HIC1: variants seen among roughly 807,000 people sequenced by gnomAD.
HIC1 encodes hypermethylated in cancer 1 protein.
Under a neutral mutation model 26.4 loss-of-function variants are expected in HIC1, and 9 were observed. That is an observed-to-expected ratio of 0.34 (90% CI 0.21 to 0.59). The LOEUF (loss-of-function observed/expected upper bound fraction) is 0.59. Ranked by LOEUF, HIC1 falls within the 20% of genes least tolerant of loss-of-function variation. The pLI is 0.82. For synonymous variants in HIC1, 631 were observed against 523.1 expected, an observed-to-expected ratio of 1.21 and a Z score of -2.81; for missense variants, 965 against 1,075.7, an observed-to-expected ratio of 0.90 and a Z score of 1.44.
rs2067808110 is a variant in HIC1, at chr17:2,062,391, T to C, written c.*3556T>C. The C allele has an allele frequency of 6.6e-6, 1 of 152,228 alleles. No homozygotes were observed. Among genetic ancestry groups the C allele is most frequent in the South Asian group, 2.1e-4 (1 of 4,832 alleles). The allele number at this position is 152,228 out of a possible 1,614,324, so 9.4% of individuals were successfully genotyped here. The stretch of plus-strand genomic sequence containing the variant: ...ATTTACAAGTACATACACTTGGACA[T>C]ATAACCTTTTTTTCCTACAGCATCA... On this transcript the variant is annotated 3_prime_UTR_variant, in exon 2 of 2. Coordinates refer to ENST00000619757, the MANE Select transcript of HIC1 (RefSeq NM_006497.4).
At chr17:2,056,373 G>A in intron 1 of HIC1, 3 of 1,608,324 alleles carry the variant, frequency 1.9e-6, no homozygotes, top group East Asian at 2.2e-5. Context: ...GGGTCACTGC[G>A]CCTGAACAGT....
Position 2,058,921 on chromosome 17 carries a change from C to T in HIC1, c.*86C>T. The T allele has an allele frequency of 8.3e-7, 1 of 1,204,626 alleles. No individual in the cohort carries two copies. Among genetic ancestry groups the T allele is most frequent in the Non-Finnish European group, 1.1e-6 (1 of 915,712 alleles). The allele number at this position is 1,204,626 out of a possible 1,614,324, so 74.6% of individuals were successfully genotyped here. A position where few individuals can be genotyped will look rare whatever the true frequency, so the allele number is the denominator to read the frequency against. ...CGGCGGGGGCGGCGCGCAGGGCCCA[C>T]TGTGCCCGGGACAACCGCAGCGTCG... On this transcript the variant is annotated 3_prime_UTR_variant, in exon 2 of 2. Coordinates refer to ENST00000619757, the MANE Select transcript of HIC1 (RefSeq NM_006497.4).
chr17:2,062,223 G>A lies in HIC1; in HGVS notation c.*3388G>A, dbSNP rs1369927898. The stretch of plus-strand genomic sequence containing the variant: ...TTGGCCAACCGGTCGCCCCTGCTAA[G>A]TAACAGTAATCCATGTATACAGGCG... On this transcript the variant is annotated 3_prime_UTR_variant, in exon 2 of 2. Coordinates refer to ENST00000619757, the MANE Select transcript of HIC1 (RefSeq NM_006497.4). 1 of 152,598 alleles carries A rather than the reference G, an allele frequency of 6.6e-6. No homozygotes were observed. The highest frequency in any genetic ancestry group is 1.5e-5 in the Non-Finnish European group (1 of 68,368). The allele number at this position is 152,598 out of a possible 1,614,324, so 9.5% of individuals were successfully genotyped here. A position where few individuals can be genotyped will look rare whatever the true frequency, so the allele number is the denominator to read the frequency against.
Position 2,056,727 on chromosome 17 carries a change from C to G in HIC1, c.37C>G (p.Gln13Glu). 6.2e-7 allele frequency: 1 copy of G among 1,609,728 alleles called. No individual in the cohort carries two copies. The highest frequency in any genetic ancestry group is 8.5e-7 in the Non-Finnish European group (1 of 1,178,168). ...GATGGAGGCGCCCGGCCACTCCAGG[C>G]AGCTGCTGCTGCAGCTCAACAACCA... ...DTMEAPGHSR[Q>E]LLLQLNNQRT... Residue 13 changes from glutamine to glutamate, a missense_variant, in exon 2 of 2, where the codon CAG (glutamine) becomes GAG (glutamate). Gln to Glu is a conservative substitution (Grantham distance 29). This residue lies in a region of HIC1 where 64 missense variants were observed against 114.0 expected (regional missense o/e 0.56). Coordinates refer to ENST00000619757, the MANE Select transcript of HIC1 (RefSeq NM_006497.4).
At position 2,061,760 on chromosome 17, in the gene HIC1, C is replaced by T; in HGVS notation, c.*2925C>T. 2.0e-6 allele frequency: 2 copies of T among 1,022,032 alleles called. No individual in the cohort carries two copies. The highest frequency in any genetic ancestry group is 2.2e-5 in the Admixed American group (1 of 45,292). 63.3% of individuals were successfully genotyped at this position (1,022,032 alleles called of 1,614,324 possible). On this transcript the variant is annotated 3_prime_UTR_variant, in exon 2 of 2. Coordinates refer to ENST00000619757, the MANE Select transcript of HIC1 (RefSeq NM_006497.4). ...TCTTGGCTCTTCTACCAGTCCTTTC[C>T]TCCGTCCGGGCTCTCAGCCCCGGGG...
rs1320014379 is a variant in HIC1 at position 2,057,939 on chromosome 17, C to T, written c.1249C>T (p.Leu417=). ...CGAGCCCGAGAGCTTCGGTGACAAC[C>T]TGTACGTGTGCATTCCGTGCGGCAA... ...YGEPESFGDN[L]YVCIPCGKGF... The change falls in exon 2 of 2, where the codon CTG becomes TTG. Residue 417 remains leucine, a synonymous_variant. Coordinates refer to ENST00000619757, the MANE Select transcript of HIC1 (RefSeq NM_006497.4). 9 of 1,610,674 alleles carry T rather than the reference C, an allele frequency of 5.6e-6. No homozygotes were observed. The highest frequency in any genetic ancestry group is 6.8e-6 in the Non-Finnish European group (8 of 1,178,970).
In HIC1 at chr17:2,057,091, G is replaced by C. The variant is rs918572711; in HGVS notation, c.401G>C (p.Gly134Ala). ...TGCAAGAAACGCCTCAAGCGCCACG[G>C]CAAGTACTGCCACCTGCGGGGCGGC... ...ALCKKRLKRH[G>A]KYCHLRGGGG... Residue 134 changes from glycine (G) to alanine (A), a missense_variant, in exon 2 of 2, where the codon GGC (glycine) becomes GCC (alanine). By Grantham distance (60) the Gly-to-Ala change is moderately conservative. Transcript: ENST00000619757. The C allele has an allele frequency of 7.2e-7, 1 of 1,388,712 alleles. No individual in the cohort carries two copies. Among genetic ancestry groups the C allele is most frequent in the Non-Finnish European group, 9.3e-7 (1 of 1,079,186 alleles). 86.0% of individuals were successfully genotyped at this position (1,388,712 alleles called of 1,614,324 possible).
In HIC1 at chr17:2,059,015, C is replaced by G; in HGVS notation, c.*180C>G. On this transcript the variant is annotated 3_prime_UTR_variant, in exon 2 of 2. Transcript: ENST00000619757. Reference sequence around the variant, plus strand: ...CTGCTTCGTGCCTTAGCTCGGGGGTCGGGGGAGAACCCCGGGACGGGGGTG... The same window carrying G: ...CTGCTTCGTGCCTTAGCTCGGGGGTGGGGGGAGAACCCCGGGACGGGGGTG... The G allele has an allele frequency of 7.9e-6, 4 of 504,222 alleles. No homozygotes were observed. The highest frequency in any genetic ancestry group is 5.4e-4 in the Middle Eastern group (1 of 1,844). The allele number at this position is 504,222 out of a possible 1,614,324, so 31.2% of individuals were successfully genotyped here. A position where few individuals can be genotyped will look rare whatever the true frequency, so the allele number is the denominator to read the frequency against.
chr17:2,056,375 CTGAACAGT>C, intron 1 of HIC1: 1 of 1,608,142 alleles, frequency 6.2e-7, no homozygotes, highest in South Asian at 1.1e-5. Context: ...GTCACTGCGC[CTGAACAGT>C]TTTCTTCTCG....
At position 2,058,805 on chromosome 17, in the gene HIC1, C is replaced by T; in HGVS notation, c.2115C>T (p.Gly705=). The T allele has an allele frequency of 6.7e-7, 1 of 1,498,410 alleles. No individual in the cohort carries two copies. Among genetic ancestry groups the T allele is most frequent in the African/African-American group, 1.4e-5 (1 of 69,132 alleles). 92.8% of individuals were successfully genotyped at this position (1,498,410 alleles called of 1,614,324 possible). The change falls in exon 2 of 2, where the codon GGC becomes GGT. Residue 705 remains glycine, a synonymous_variant. Coordinates refer to ENST00000619757, the MANE Select transcript of HIC1 (RefSeq NM_006497.4). ...CTCACCTGGCGGCCGGGCCCGACGG[C>T]CGGACCATCGACCGTTTCTCTCCCA... is the stretch of plus-strand genomic sequence containing the variant. The part of the protein sequence containing the change: ...QGAHLAAGPD[G]RTIDRFSPT
Position 2,055,429 on chromosome 17 carries a change from C to T in HIC1, c.-21+191C>T, listed in dbSNP as rs2151367367. 7.0e-6 allele frequency among the ~76,000 whole-genome samples: 1 copy of T among 142,896 alleles called. No homozygotes were observed. Among genetic ancestry groups the T allele is most frequent in the Admixed American group, 6.9e-5 (1 of 14,486 alleles). 93.7% of individuals were successfully genotyped at this position (142,896 alleles called of 152,430 possible). ...CCGCGGCTCCGCGCCGGGTTCACGGCGGGGTCAGCGGCCCGGGGCCGGCTC... is the reference window on the plus strand; with the variant it reads ...CCGCGGCTCCGCGCCGGGTTCACGGTGGGGTCAGCGGCCCGGGGCCGGCTC... On this transcript the variant is annotated intron_variant, in intron 1 of 1. Coordinates refer to ENST00000619757, the MANE Select transcript of HIC1 (RefSeq NM_006497.4). This position sits in a 1 kb window ranked among gnomAD's most constrained non-coding sequence, Gnocchi z 6.4.
Position 2,058,660 on chromosome 17 carries a change from A to G in HIC1, c.1970A>G (p.Gln657Arg). Residue 657 changes from glutamine to arginine, a missense_variant, in exon 2 of 2, where the codon CAG (glutamine) becomes CGG (arginine). This residue lies in a region of HIC1 where 210 missense variants were observed against 179.2 expected (regional missense o/e 1.17). Coordinates refer to ENST00000619757, the MANE Select transcript of HIC1 (RefSeq NM_006497.4). ...GCGGCCGCGGCCGAGCTGCTGGCGC[A>G]GACCACGCACTTCCTGCACGACCCC... ...DKAAAAELLA[Q>R]TTHFLHDPKV... 1.3e-6 allele frequency: 2 copies of G among 1,563,188 alleles called. No individual in the cohort carries two copies. The highest frequency in any genetic ancestry group is 8.6e-7 in the Non-Finnish European group (1 of 1,160,634).
chr17:2,060,298 C>T lies in HIC1; in HGVS notation c.*1463C>T, dbSNP rs138100055. The stretch of plus-strand genomic sequence containing the variant: ...GGAAGCCTCCCCACTGAGGTACCAG[C>T]TAAAGGGGCAAGGAAAGGGCCCCTG... On this transcript the variant is annotated 3_prime_UTR_variant, in exon 2 of 2. Coordinates refer to ENST00000619757, the MANE Select transcript of HIC1 (RefSeq NM_006497.4). 1.3e-5 allele frequency: 2 copies of T among 152,274 alleles called. No homozygotes were observed. 9.4% of individuals were successfully genotyped at this position (152,274 alleles called of 1,614,324 possible).
chr17:2,057,319 T>G lies in HIC1; in HGVS notation c.629T>G (p.Leu210Arg). ...YASGPGPAAA[L>R]CASERRCSPL... ...TCGGGACCCGGCCCGGCCGCCGCAC[T>G]CTGTGCCTCGGAGCGCCGCTGCTCC... is the stretch of plus-strand genomic sequence containing the variant. Residue 210 changes from leucine to arginine, a missense_variant, in exon 2 of 2, where the codon CTC (leucine) becomes CGC (arginine). This residue lies in a region of HIC1 where 526 missense variants were observed against 525.0 expected (regional missense o/e 1.00). Coordinates refer to ENST00000619757, the MANE Select transcript of HIC1 (RefSeq NM_006497.4). 1 of 1,502,848 alleles carries G rather than the reference T, an allele frequency of 6.7e-7. No homozygotes were observed. The highest frequency in any genetic ancestry group is 2.8e-5 in the East Asian group (1 of 35,650). The allele number at this position is 1,502,848 out of a possible 1,614,324, so 93.1% of individuals were successfully genotyped here.
At chr17:2,056,200 GCTCCC>G (rs2067670770) in intron 1 of HIC1, 1 of 961,802 alleles carries the variant, frequency 1.0e-6, no homozygotes, top group Middle Eastern at 2.3e-4. Context: ...CGGGCACCGC[GCTCCC>G]CTCCTCCGTA....
Position 2,057,888 on chromosome 17 carries a change from T to TACC in HIC1, c.1199_1201dup (p.Tyr400_Pro401insHis). 6.2e-7 allele frequency: 1 copy of TACC among 1,602,652 alleles called. No homozygotes were observed. Among genetic ancestry groups the TACC allele is most frequent in the Non-Finnish European group, 8.5e-7 (1 of 1,175,302 alleles). On this transcript the variant is annotated inframe_insertion, in exon 2 of 2. Transcript: ENST00000619757. ...CCCGCCTGGCGGCCACCTCGAGGGCTACCCATGCCCGCACCTGGCCTATGG... is the reference window on the plus strand; with the variant it reads ...CCCGCCTGGCGGCCACCTCGAGGGCTACCACCCATGCCCGCACCTGGCCTATGG...
rs913856180 is a variant in HIC1, at chr17:2,056,347, G to C, written c.-20-324G>C. On this transcript the variant is annotated intron_variant, in intron 1 of 1. Transcript: ENST00000619757. ...GAAGCGGACATTTTACTTAAATCGGGTAACTGTCTCCAAAAGGGTCACTGC... is the reference window on the plus strand; with the variant it reads ...GAAGCGGACATTTTACTTAAATCGGCTAACTGTCTCCAAAAGGGTCACTGC... The C allele has an allele frequency of 4.3e-6, 7 of 1,613,014 alleles. No individual in the cohort carries two copies. The South Asian group carries it at 6.6e-5, about 15-fold the overall frequency.
chr17:2,057,223 C>G lies in HIC1; in HGVS notation c.533C>G (p.Pro178Arg). The change falls in exon 2 of 2, where the codon CCG becomes CGG. Residue 178 changes from proline to arginine, a missense_variant. Pro to Arg is a moderately radical substitution (Grantham distance 103). This residue lies in a region of HIC1 where 526 missense variants were observed against 525.0 expected (regional missense o/e 1.00). Coordinates refer to ENST00000619757, the MANE Select transcript of HIC1 (RefSeq NM_006497.4). Reference protein sequence around the residue: ...ACYPSPVGPPPPPAAEPPSGP... With the variant: ...ACYPSPVGPPRPPAAEPPSGP... ...TACCCGTCCCCAGTCGGGCCTCCGC[C>G]GCCGCCTGCCGCGGAGCCGCCCTCG... 1 of 1,408,910 alleles carries G rather than the reference C, an allele frequency of 7.1e-7. No homozygotes were observed. Among genetic ancestry groups the G allele is most frequent in the Non-Finnish European group, 9.2e-7 (1 of 1,084,734 alleles). The allele number at this position is 1,408,910 out of a possible 1,614,324, so 87.3% of individuals were successfully genotyped here.
intron 1 of HIC1, chr17:2,056,212 C>G (rs2067670984): frequency 9.5e-7 from 1 of 1,054,802 alleles, no homozygotes. Flanking sequence ...TCCCCTCCTC[C>G]GTATCACTTC....
Sources: gnomAD v4.1 joint callset for allele counts (sites outside exome capture counted in the v4.1 genomes callset) on GRCh38, gnomAD v4.1.1 for gene constraint, gnomAD v4.1.1 regional missense constraint, Gnocchi (gnomAD v3.1) non-coding constraint, MANE v1.5 for transcripts, NCBI Gene and HGNC (gene_info 2026-07-23, HGNC 2026-07-21) for gene names.